WDR64: variants seen among roughly 807,000 people sequenced by gnomAD.
WDR64 encodes the protein WD repeat-containing protein 64.
In WDR64, 112 loss-of-function variants were observed where a neutral mutation model predicts 139.3. The observed-to-expected ratio is 0.80, with a 90% CI of 0.69 to 0.94. The LOEUF (loss-of-function observed/expected upper bound fraction) is 0.94. Among genes scored for constraint, WDR64 ranks in the 40% least tolerant of loss-of-function variants. The probability of loss-of-function intolerance (pLI) is 0.00; values close to 1 mark genes in which losing one functional copy is unlikely to be tolerated. For synonymous variants in WDR64, 444 were observed against 437.7 expected (o/e 1.01, Z -0.18); for missense variants, 1,206 against 1,293.1 (o/e 0.93, Z 1.03).
chr1:241,740,733 C>A (rs1011333653), intron 11 of WDR64, among the ~76,000 whole-genome samples: 41 of 151,532 alleles, frequency 2.7e-4, no homozygotes, highest in African/African-American at 1.0e-3. Context: ...AATGGCATGA[C>A]CTCGGCTCAC....
chr1:241,655,176 A>G, intron 1 of WDR64, among the ~76,000 whole-genome samples: 1 of 152,170 alleles, frequency 6.6e-6, no homozygotes, highest in East Asian at 1.9e-4. Flanking sequence ...CGAAGTCAGG[A>G]GTTCAAGACC....
Position 241,749,523 on chromosome 1 carries a change from T to TA in WDR64, c.1595-23dup. ...TTTCTCTAAGTCATTTTTACCCACA[T>TA]AGTCTTTTTCTCTGTATGCTCAGGA... On this transcript the variant is annotated intron_variant, in intron 13 of 27. Coordinates refer to ENST00000437684, the MANE Select transcript of WDR64 (RefSeq NM_001367482.1). 1.9e-6 allele frequency: 3 copies of TA among 1,601,072 alleles called. No individual in the cohort carries two copies. In the East Asian group the frequency reaches 6.7e-5, roughly 36 times the overall value.
At chr1:241,718,593 T>G (rs1438832002) in intron 9 of WDR64, among the ~76,000 whole-genome samples, 2 of 152,212 alleles carry the variant, frequency 1.3e-5, no homozygotes, top group Non-Finnish European at 2.9e-5. Flanking sequence ...CATGAAAGTT[T>G]GAAATTTAAG....
At chr1:241,699,667 A>G (rs1387626939) in intron 8 of WDR64, among the ~76,000 whole-genome samples, 1 of 152,174 alleles carries the variant, frequency 6.6e-6, no homozygotes, top group Non-Finnish European at 1.5e-5. Context: ...GTCAGGCAAA[A>G]CAACTGAGAG....
intron 22 of WDR64, among the ~76,000 whole-genome samples, chr1:241,781,062 G>T (rs749419217): frequency 4.8e-4 from 73 of 152,140 alleles, no homozygotes; most frequent in Non-Finnish European, 7.5e-4. Flanking sequence ...GAAAAGTTAT[G>T]TAATTGTTTT....
At chr1:241,728,834 T>G (rs868128617) in intron 10 of WDR64, among the ~76,000 whole-genome samples, 6 of 150,234 alleles carry the variant, frequency 4.0e-5, no homozygotes, top group Admixed American at 4.0e-4. Context: ...TTTTTTTTTT[T>G]CTATGAAGGG....
At chr1:241,743,049 T>A (rs1247952315) in intron 12 of WDR64, among the ~76,000 whole-genome samples, 1 of 152,230 alleles carries the variant, frequency 6.6e-6, no homozygotes, top group African/African-American at 2.4e-5. Context: ...TGCTGGAGAT[T>A]TTCTCAAGTG....
intron 8 of WDR64, among the ~76,000 whole-genome samples, chr1:241,705,225 G>T (rs989642268): frequency 6.6e-6 from 1 of 152,140 alleles, no homozygotes; most frequent in African/African-American, 2.4e-5. Context: ...TCCTCATGGA[G>T]AATTTATTTT....
At chr1:241,657,174 C>T (rs1022626599) in intron 1 of WDR64, among the ~76,000 whole-genome samples, 2 of 152,148 alleles carry the variant, frequency 1.3e-5, no homozygotes, top group East Asian at 3.9e-4. Context: ...TAAAAAGAGG[C>T]ATAAACGAGA....
intron 18 of WDR64, 92 bp downstream of exon 18, chr1:241,770,782 A>G (rs1658400005): frequency 6.8e-6 from 8 of 1,180,762 alleles, no homozygotes; most frequent in Non-Finnish European, 8.3e-6. Flanking sequence ...CCCTCCTTTG[A>G]TAGAAGGTAA....
chr1:241,779,833 T>G (rs779907663), intron 21 of WDR64, among the ~76,000 whole-genome samples, 171 bp from the exon 22 acceptor site: 5 of 151,664 alleles, frequency 3.3e-5, no homozygotes, highest in Non-Finnish European at 5.9e-5. Flanking sequence ...CCATCTCAAA[T>G]AAATAAATAA....
chr1:241,764,284 T>C (rs977539210), intron 15 of WDR64, among the ~76,000 whole-genome samples: 9 of 152,182 alleles, frequency 5.9e-5, no homozygotes, highest in Non-Finnish European at 1.0e-4. Flanking sequence ...TGATGCTGCC[T>C]GGATGACAGA....
chr1:241,666,640 G>A (rs1277361241), intron 2 of WDR64, among the ~76,000 whole-genome samples: 1 of 152,168 alleles, frequency 6.6e-6, no homozygotes, highest in Non-Finnish European at 1.5e-5. Flanking sequence ...AATTAGCGAG[G>A]AAGATACTTG....
At chr1:241,773,982 G>A (rs778838478) in intron 20 of WDR64, among the ~76,000 whole-genome samples, 26 of 152,238 alleles carry the variant, frequency 1.7e-4, no homozygotes, top group Non-Finnish European at 2.2e-4. Context: ...GTATTGCATC[G>A]TATTGAGTGT....
intron 19 of WDR64, among the ~76,000 whole-genome samples, chr1:241,771,941 C>CATATATATATATATATATATATATAT (rs1359575397): frequency 3.5e-5 from 1 of 28,966 alleles, no homozygotes; most frequent in African/African-American, 1.5e-4. Context: ...TACATACATA[C>CATATATATATATATATATATATATAT]ATACATATAT....
chr1:241,743,007 T>C (rs1386213370), intron 12 of WDR64, among the ~76,000 whole-genome samples: 4 of 152,204 alleles, frequency 2.6e-5, no homozygotes, highest in Non-Finnish European at 4.4e-5. Flanking sequence ...ACCCTTCAAA[T>C]TACCTCTCAG....
chr1:241,705,161 T>C (rs943256565), intron 8 of WDR64, among the ~76,000 whole-genome samples: 3 of 152,148 alleles, frequency 2.0e-5, no homozygotes, highest in African/African-American at 7.2e-5. Context: ...ACTCACAGGC[T>C]CACCTTGGGC....
intron 1 of WDR64, among the ~76,000 whole-genome samples, chr1:241,657,920 CT>C (rs1558457347): frequency 1.3e-5 from 2 of 152,008 alleles, no homozygotes. Flanking sequence ...TCCCTCATGC[CT>C]TTTGCAGCAA....
chr1:241,655,113 G>C (rs1024633086), intron 1 of WDR64, among the ~76,000 whole-genome samples: 1 of 152,134 alleles, frequency 6.6e-6, no homozygotes, highest in African/African-American at 2.4e-5. Context: ...GGCCAGGCGC[G>C]GTGGCTCACG....
Sources: allele counts gnomAD v4.1 joint callset (sites outside exome capture counted in the v4.1 genomes callset), GRCh38; gene constraint gnomAD v4.1.1; transcripts MANE v1.5; gene names NCBI Gene and HGNC (gene_info 2026-07-23, HGNC 2026-07-21).